GALNT13: variants seen among roughly 807,000 people sequenced by gnomAD.
GALNT13 encodes polypeptide N-acetylgalactosaminyltransferase 13.
A neutral mutation model predicts 64.2 loss-of-function variants in GALNT13; 28 were observed. The observed-to-expected ratio is 0.44, with a 90% CI of 0.32 to 0.60. The LOEUF is 0.60. Among genes scored for constraint, GALNT13 ranks in the 20% least tolerant of loss-of-function variants. GALNT13 has a pLI of 0.05. For synonymous variants in GALNT13, 214 were observed against 224.6 expected, an observed-to-expected ratio of 0.95 and a Z score of 0.42; for missense variants, 577 against 669.8, an observed-to-expected ratio of 0.86 and a Z score of 1.53.
At chr2:153,182,791 C>T in the GALNT13 span, among the ~76,000 whole-genome samples, 2 of 152,286 alleles carry the variant, frequency 1.3e-5, no homozygotes, top group South Asian at 2.1e-4. Context: ...AGAACATGAT[C>T]TTGTTCATGT....
rs930057558 is a variant in GALNT13 at position 154,002,033 on chromosome 2, G to C, written c.142+57394G>C. On this transcript the variant is annotated intron_variant, in intron 3 of 12. Coordinates refer to ENST00000392825, the MANE Select transcript of GALNT13 (RefSeq NM_052917.4). ...AGGTAGGGTTTCTGCTGAAAAATCT[G>C]CTGGAAGCTCTATTGGGGCTCTGTT... 8.6e-5 allele frequency among the ~76,000 whole-genome samples: 13 copies of C among 152,042 alleles called. No homozygotes were observed. The South Asian group carries it at 1.2e-3, about 15-fold the overall frequency.
chr2:154,247,963 C>G (rs987548898), intron 7 of GALNT13, among the ~76,000 whole-genome samples: 2 of 152,050 alleles, frequency 1.3e-5, no homozygotes, highest in African/African-American at 2.4e-5. Context: ...TACTTGTAAT[C>G]TATTGCTTGA....
chr2:153,452,901 G>T, the GALNT13 span, among the ~76,000 whole-genome samples: 1 of 152,044 alleles, frequency 6.6e-6, no homozygotes, highest in Non-Finnish European at 1.5e-5. Flanking sequence ...AATCAAAATA[G>T]CATGGTACTG....
At chr2:154,307,690 G>C (rs912602104) in intron 9 of GALNT13, among the ~76,000 whole-genome samples, 1 of 151,920 alleles carries the variant, frequency 6.6e-6, no homozygotes, top group East Asian at 1.9e-4. Context: ...AAATACTATA[G>C]CATCATTGAT....
chr2:154,147,214 C>A (rs1350102019), intron 4 of GALNT13, among the ~76,000 whole-genome samples: 1 of 151,858 alleles, frequency 6.6e-6, no homozygotes, highest in Non-Finnish European at 1.5e-5. Context: ...TATGTTCTGA[C>A]TTTCTAAAGT....
At chr2:154,121,666 T>G (rs1681949595) in intron 3 of GALNT13, among the ~76,000 whole-genome samples, 1 of 152,058 alleles carries the variant, frequency 6.6e-6, no homozygotes, top group Non-Finnish European at 1.5e-5. Context: ...TTTGCTATAG[T>G]CACAATACTA....
At chr2:153,565,420 T>C in the GALNT13 span, among the ~76,000 whole-genome samples, 1 of 152,170 alleles carries the variant, frequency 6.6e-6, no homozygotes, top group Non-Finnish European at 1.5e-5. Flanking sequence ...GTGTGTAATA[T>C]CTTTTGCTTC....
the GALNT13 span, among the ~76,000 whole-genome samples, chr2:153,496,863 G>A: frequency 6.6e-6 from 1 of 151,784 alleles, no homozygotes. Context: ...GTGTGGTGGT[G>A]CACGCCTGTA....
the GALNT13 span, among the ~76,000 whole-genome samples, chr2:153,555,877 A>C: frequency 6.6e-6 from 1 of 152,214 alleles, no homozygotes; most frequent in Non-Finnish European, 1.5e-5. Context: ...GATTATTAGC[A>C]AATAACTTAT....
At chr2:153,472,179 T>A in the GALNT13 span, among the ~76,000 whole-genome samples, 1 of 152,172 alleles carries the variant, frequency 6.6e-6, no homozygotes, top group Non-Finnish European at 1.5e-5. Context: ...TCAATGACTC[T>A]TTCAGGGCAG....
intron 3 of GALNT13, among the ~76,000 whole-genome samples, chr2:153,978,542 A>G (rs1271889802): frequency 6.6e-6 from 1 of 152,064 alleles, no homozygotes; most frequent in African/African-American, 2.4e-5. Flanking sequence ...TTCTCGTGAT[A>G]GTGAATAAGC....
At chr2:153,997,992 C>T (rs1012307317) in intron 3 of GALNT13, among the ~76,000 whole-genome samples, 17 of 152,270 alleles carry the variant, frequency 1.1e-4, no homozygotes, top group African/African-American at 3.6e-4. Context: ...TTTATGTCTG[C>T]ATAGTATTCC....
intron 3 of GALNT13, among the ~76,000 whole-genome samples, chr2:154,092,370 T>G (rs16836056): frequency 0.065 from 9,812 of 152,122 alleles, 425 homozygotes; most frequent in Middle Eastern, 0.13. Flanking sequence ...TTGTATGCAT[T>G]AAATGGCTCT....
chr2:153,133,446 G>A, the GALNT13 span, among the ~76,000 whole-genome samples: 2 of 151,972 alleles, frequency 1.3e-5, no homozygotes, highest in East Asian at 1.9e-4. Flanking sequence ...AGTGAGAAGG[G>A]GACCTGTTAA....
At chr2:153,213,774 T>G in the GALNT13 span, among the ~76,000 whole-genome samples, 1 of 152,178 alleles carries the variant, frequency 6.6e-6, no homozygotes, top group East Asian at 1.9e-4. Flanking sequence ...TCTTCATGGA[T>G]TTTTCTGAGG....
At chr2:154,006,305 T>G (rs1252831927) in intron 3 of GALNT13, among the ~76,000 whole-genome samples, 1 of 152,330 alleles carries the variant, frequency 6.6e-6, no homozygotes, top group Admixed American at 6.5e-5. Flanking sequence ...TTAAATTTTT[T>G]GCTAAATGTC....
At chr2:153,981,663 T>C (rs1694473829) in intron 3 of GALNT13, among the ~76,000 whole-genome samples, 1 of 152,068 alleles carries the variant, frequency 6.6e-6, no homozygotes, top group South Asian at 2.1e-4. Context: ...TTGTGAATAG[T>C]GCTGCGATAT....
chr2:154,186,332 A>G (rs1223156912), intron 4 of GALNT13, among the ~76,000 whole-genome samples: 1 of 152,070 alleles, frequency 6.6e-6, no homozygotes, highest in Non-Finnish European at 1.5e-5. Flanking sequence ...TGCAATTCAA[A>G]CAATCTCATG....
chr2:154,321,343 A>C (rs1035990466), intron 9 of GALNT13, among the ~76,000 whole-genome samples: 2 of 152,140 alleles, frequency 1.3e-5, no homozygotes, highest in Non-Finnish European at 2.9e-5. Flanking sequence ...ATCTTTGTCA[A>C]GTGATCCCTA....
Sources: gnomAD v4.1 joint callset for allele counts (sites outside exome capture counted in the v4.1 genomes callset) on GRCh38, gnomAD v4.1.1 for gene constraint, MANE v1.5 for transcripts, NCBI Gene and HGNC (gene_info 2026-07-23, HGNC 2026-07-21) for gene names.